The following ABCA5 variants were observed in gnomAD, a reference collection of about 807,000 sequenced individuals.
The protein encoded by ABCA5 is cholesterol transporter ABCA5.
ABCA5 carries 163 observed loss-of-function variants against 206.0 expected under a neutral mutation model. The observed-to-expected ratio is 0.79, with a 90% CI of 0.70 to 0.90. ABCA5 has a LOEUF of 0.90. Ranked by LOEUF, ABCA5 falls within the 40% of genes least tolerant of loss-of-function variation. The probability of loss-of-function intolerance (pLI) is 0.00; values close to 1 mark genes in which losing one functional copy is unlikely to be tolerated. For synonymous variants in ABCA5, 609 were observed against 613.8 expected (o/e 0.99, Z 0.11); for missense variants, 1,859 against 1,912.9 (o/e 0.97, Z 0.53).
At chr17:69,275,212 T>C (rs1332885490) in intron 19 of ABCA5, among the ~76,000 whole-genome samples, 1 of 152,160 alleles carries the variant, frequency 6.6e-6, no homozygotes, top group African/African-American at 2.4e-5. Flanking sequence ...ACAATTAAAC[T>C]CTGAATGGCT....
chr17:69,256,351 T>G (rs183248894), intron 28 of ABCA5, 68 bp from the exon 29 acceptor site: 1 of 1,066,562 alleles, frequency 9.4e-7, no homozygotes, highest in African/African-American at 1.7e-5. Flanking sequence ...GAAATTCAGA[T>G]ACTAGGTAGA....
At chr17:69,319,944 T>C (rs2075848681) in intron 1 of ABCA5, among the ~76,000 whole-genome samples, 5 of 152,226 alleles carry the variant, frequency 3.3e-5, no homozygotes, top group Admixed American at 3.3e-4. Context: ...CTGCCTCTGC[T>C]ACATACTAAC....
intron 31 of ABCA5, among the ~76,000 whole-genome samples, chr17:69,254,718 C>G (rs2075055214): frequency 6.6e-6 from 1 of 152,030 alleles, no homozygotes. Context: ...GGGAAGATGT[C>G]TCACTACGTT....
At chr17:69,324,641 C>T (rs2075886169) in intron 1 of ABCA5, among the ~76,000 whole-genome samples, 2 of 152,166 alleles carry the variant, frequency 1.3e-5, no homozygotes, top group Non-Finnish European at 2.9e-5. Flanking sequence ...GTAGGATCAC[C>T]CTCAGATTAT....
chr17:69,321,136 G>C (rs1290712271), intron 1 of ABCA5, among the ~76,000 whole-genome samples: 1 of 152,142 alleles, frequency 6.6e-6, no homozygotes, highest in African/African-American at 2.4e-5. Context: ...AGGGAGTTAG[G>C]GTGGGAAAAC....
At chr17:69,264,089 G>C (rs1299504993) in intron 24 of ABCA5, among the ~76,000 whole-genome samples, 1 of 152,108 alleles carries the variant, frequency 6.6e-6, no homozygotes, top group Non-Finnish European at 1.5e-5. Context: ...AATGTTGGTA[G>C]TTTGATAGGA....
intron 9 of ABCA5, 103 bp downstream of exon 9, chr17:69,301,036 A>C: frequency 1.9e-6 from 2 of 1,040,776 alleles, no homozygotes; most frequent in Non-Finnish European, 2.7e-6. Flanking sequence ...AATATGACTT[A>C]GGGTACCCTG....
chr17:69,318,725 T>C (rs939906839), intron 1 of ABCA5: 9 of 607,808 alleles, frequency 1.5e-5, no homozygotes, highest in East Asian at 3.2e-5. Flanking sequence ...ACCTGTGGAG[T>C]AGACACCATG....
At chr17:69,309,852 C>G (rs2075753324) in intron 3 of ABCA5, among the ~76,000 whole-genome samples, 2 of 151,864 alleles carry the variant, frequency 1.3e-5, no homozygotes, top group African/African-American at 2.4e-5. Context: ...AAAAAACAAA[C>G]AAACAAAAAG....
intron 1 of ABCA5, among the ~76,000 whole-genome samples, chr17:69,325,141 CAAAAAAAA>C (rs11320196): frequency 4.2e-5 from 5 of 118,110 alleles, no homozygotes; most frequent in South Asian, 2.8e-4. Flanking sequence ...CTGTCTCTAC[CAAAAAAAA>C]AAAAAAAAAA....
Position 69,284,043 on chromosome 17 carries a change from T to A in ABCA5, c.2302A>T (p.Asn768Tyr), listed in dbSNP as rs140430746. 6.2e-7 allele frequency: 1 copy of A among 1,605,272 alleles called. No homozygotes were observed. The highest frequency in any genetic ancestry group is 8.5e-7 in the Non-Finnish European group (1 of 1,176,402). The change falls in exon 18 of 39, where the codon AAT becomes TAT. Residue 768 changes from asparagine (N) to tyrosine (Y), a missense_variant. Coordinates refer to ENST00000392676, the MANE Select transcript of ABCA5 (RefSeq NM_172232.4). ...ACACCATAAGAAATGACACCCAAAT[T>A]TGAATGACTGTCTAGGGCAGAAAAC... ...GLFSALDSHSNLGVISYGVSM... is the reference protein window; with the variant it reads ...GLFSALDSHSYLGVISYGVSM...
chr17:69,304,921 T>G, intron 6 of ABCA5, 111 bp from the exon 7 acceptor site: 1 of 1,004,354 alleles, frequency 1.0e-6, no homozygotes, highest in Non-Finnish European at 1.4e-6. Flanking sequence ...TAAAATTAAG[T>G]CACTGTTCAT....
chr17:69,284,219 A>G, intron 17 of ABCA5, 147 bp from the exon 18 acceptor site: 3 of 594,428 alleles, frequency 5.0e-6, no homozygotes, highest in Non-Finnish European at 7.6e-6. Flanking sequence ...TTAGCTAGGC[A>G]TAAATACTGA....
At chr17:69,261,433 A>G (rs542607055) in intron 25 of ABCA5, among the ~76,000 whole-genome samples, 174 bp from the exon 26 acceptor site, 20 of 152,086 alleles carry the variant, frequency 1.3e-4, no homozygotes, top group Non-Finnish European at 2.5e-4. Context: ...TCCTTGATAC[A>G]CTAGTTGCTA....
intron 9 of ABCA5, among the ~76,000 whole-genome samples, chr17:69,298,118 T>C (rs1342521643): frequency 6.6e-6 from 1 of 152,024 alleles, no homozygotes; most frequent in Non-Finnish European, 1.5e-5. Flanking sequence ...CCCAGGAGGC[T>C]GAGCCTGCAG....
chr17:69,285,390 C>T (rs568873219), intron 17 of ABCA5: 2 of 152,110 alleles, frequency 1.3e-5, no homozygotes, highest in South Asian at 4.1e-4. Flanking sequence ...GTACTTACAT[C>T]AATAACATCC....
At chr17:69,286,949 G>C (rs928050905) in intron 15 of ABCA5, among the ~76,000 whole-genome samples, 2 of 152,160 alleles carry the variant, frequency 1.3e-5, no homozygotes, top group African/African-American at 4.8e-5. Flanking sequence ...TCTATCCTTA[G>C]AAAGGCCTGC....
chr17:69,279,577 C>T (rs1253141873), intron 18 of ABCA5, among the ~76,000 whole-genome samples: 2 of 151,820 alleles, frequency 1.3e-5, no homozygotes, highest in East Asian at 1.9e-4. Context: ...ATCGCCAAGT[C>T]AATCCTAAGC....
intron 20 of ABCA5, among the ~76,000 whole-genome samples, chr17:69,272,663 G>GA (rs1024015178): frequency 1.3e-5 from 2 of 151,550 alleles, no homozygotes; most frequent in African/African-American, 2.4e-5. Context: ...CCTAATGAAA[G>GA]AAAAAAAATT....
Sources: gnomAD v4.1 joint callset for allele counts (sites outside exome capture counted in the v4.1 genomes callset) on GRCh38, gnomAD v4.1.1 for gene constraint, MANE v1.5 for transcripts, NCBI Gene and HGNC (gene_info 2026-07-23, HGNC 2026-07-21) for gene names.